Variants in MCC observed in about 807,000 individuals in gnomAD.
MCC encodes the protein colorectal mutant cancer protein.
In MCC, 90 loss-of-function variants were observed where a neutral mutation model predicts 116.2. That is an observed-to-expected ratio of 0.77 (90% CI 0.65 to 0.92). MCC has a LOEUF of 0.92. Among genes scored for constraint, MCC ranks in the 40% least tolerant of loss-of-function variants. MCC has a pLI of 0.00. For synonymous variants in MCC, 578 were observed against 510.5 expected, an observed-to-expected ratio of 1.13 and a Z score of -1.78; for missense variants, 1,516 against 1,312.2, an observed-to-expected ratio of 1.16 and a Z score of -2.40.
chr5:113,220,057 C>CTTTCTTTT lies in MCC; in HGVS notation c.628-68636_628-68635insAAAAGAAA, dbSNP rs1406279958. 6.3e-5 allele frequency among the ~76,000 whole-genome samples: 5 copies of CTTTCTTTT among 79,496 alleles called. 1 individual carries two copies. In the South Asian group the frequency reaches 2.8e-3, roughly 45 times the overall value. The allele number at this position is 79,496 out of a possible 152,430, so 52.2% of individuals were successfully genotyped here. A position where few individuals can be genotyped will look rare whatever the true frequency, so the allele number is the denominator to read the frequency against. ...AACTTTGGAATCTGCATGTCAATTT[C>CTTTCTTTT]TTTTTCTTTTTTTTTTTTGAGACGG... On this transcript the variant is annotated intron_variant, in intron 3 of 18. Coordinates refer to ENST00000408903, the MANE Select transcript of MCC (RefSeq NM_001085377.2).
At chr5:113,139,213 C>T (rs1303214532) in intron 5 of MCC, among the ~76,000 whole-genome samples, 1 of 152,144 alleles carries the variant, frequency 6.6e-6, no homozygotes, top group East Asian at 1.9e-4. Flanking sequence ...ATCTCCCAGT[C>T]AACATCGCTG....
chr5:113,234,393 G>A (rs1764056127), intron 3 of MCC: 1 of 152,056 alleles, frequency 6.6e-6, no homozygotes, highest in South Asian at 2.1e-4. Flanking sequence ...GCCAAGGAAA[G>A]CTCTGAGAGC....
At chr5:113,414,962 G>C (rs910776814) in intron 1 of MCC, among the ~76,000 whole-genome samples, 1 of 152,122 alleles carries the variant, frequency 6.6e-6, no homozygotes, top group African/African-American at 2.4e-5. Context: ...GGCAGGCCTG[G>C]TGGTGACAAA....
intron 1 of MCC, among the ~76,000 whole-genome samples, chr5:113,438,170 T>C (rs774420142): frequency 6.6e-6 from 1 of 152,216 alleles, no homozygotes; most frequent in Non-Finnish European, 1.5e-5. Flanking sequence ...CCTGTGTTTC[T>C]TTCCCCTAAC....
chr5:113,442,381 G>A (rs1771067171), intron 1 of MCC, among the ~76,000 whole-genome samples: 5 of 151,890 alleles, frequency 3.3e-5, no homozygotes, highest in Admixed American at 2.6e-4. Flanking sequence ...TAAGTTCTTT[G>A]CAGATTCTGG....
intron 11 of MCC, among the ~76,000 whole-genome samples, chr5:113,076,751 C>A (rs1446929774): frequency 1.3e-5 from 2 of 152,156 alleles, no homozygotes; most frequent in African/African-American, 2.4e-5. Flanking sequence ...ACTGCATCAA[C>A]TAACAAGCAA....
intron 3 of MCC, among the ~76,000 whole-genome samples, chr5:113,297,027 G>T (rs773258862): frequency 6.6e-6 from 1 of 152,164 alleles, no homozygotes; most frequent in South Asian, 2.1e-4. Context: ...ATTTTCAAGG[G>T]TAATGTTGAT....
chr5:113,487,969 C>A (rs1772588101), intron 1 of MCC, among the ~76,000 whole-genome samples: 1 of 152,142 alleles, frequency 6.6e-6, no homozygotes, highest in Non-Finnish European at 1.5e-5. Context: ...TCCAAGCCCC[C>A]GGAAGAGTGC....
chr5:113,242,734 A>G (rs933522582), intron 3 of MCC, among the ~76,000 whole-genome samples: 1 of 152,166 alleles, frequency 6.6e-6, no homozygotes, highest in Non-Finnish European at 1.5e-5. Flanking sequence ...GTTCAAGACC[A>G]TGCACCACAG....
rs200797844 is a variant in MCC at position 113,049,094 on chromosome 5, T to C, written c.2654A>G (p.Lys885Arg). ...GTCCCCAAGCCACTCCGGCCCTACC[T>C]TGCCAGGTTTGTCTTTGCTGCCGCT... is the stretch of plus-strand genomic sequence containing the variant. The part of the protein sequence containing the change: ...TSSGSKDKPG[K>R]ECADAASPAL... Residue 885 changes from lysine to arginine, a missense_variant and splice_region_variant, in exon 16 of 19, where the codon AAG becomes AGG. Coordinates refer to ENST00000408903, the MANE Select transcript of MCC (RefSeq NM_001085377.2). 18 of 1,614,052 alleles carry C rather than the reference T, an allele frequency of 1.1e-5. No homozygotes were observed. The highest frequency in any genetic ancestry group is 5.0e-5 in the Admixed American group (3 of 60,004).
At chr5:113,156,881 A>C (rs1760200710) in intron 3 of MCC, among the ~76,000 whole-genome samples, 1 of 152,188 alleles carries the variant, frequency 6.6e-6, no homozygotes, top group African/African-American at 2.4e-5. Context: ...ACTTGAGTAA[A>C]ATAATTTCAC....
intron 3 of MCC, among the ~76,000 whole-genome samples, chr5:113,284,459 A>C (rs958557166): frequency 6.6e-6 from 1 of 152,256 alleles, no homozygotes; most frequent in Non-Finnish European, 1.5e-5. Flanking sequence ...TTCTCCTTTT[A>C]AAATAATTAC....
chr5:113,329,186 G>A (rs577362687), intron 3 of MCC, among the ~76,000 whole-genome samples: 106 of 152,266 alleles, frequency 7.0e-4, no homozygotes, highest in Non-Finnish European at 1.3e-3. Flanking sequence ...TGTAGTGTAC[G>A]GTAAATCCCC....
chr5:113,077,907 T>A (rs1754568042), intron 11 of MCC, among the ~76,000 whole-genome samples: 1 of 143,544 alleles, frequency 7.0e-6, no homozygotes, highest in South Asian at 2.2e-4. Context: ...GATAGACCGC[T>A]AGCAAGACTA....
chr5:113,469,678 T>G (rs1407262359), intron 1 of MCC, among the ~76,000 whole-genome samples: 1 of 152,026 alleles, frequency 6.6e-6, no homozygotes, highest in Non-Finnish European at 1.5e-5. Context: ...GGGTGGAGAG[T>G]TCTGTAGATG....
intron 2 of MCC, among the ~76,000 whole-genome samples, chr5:113,383,941 T>C (rs1368982403): frequency 6.6e-6 from 1 of 152,322 alleles, no homozygotes; most frequent in Non-Finnish European, 1.5e-5. Flanking sequence ...TTCTTGCCAA[T>C]AGATCTACCT....
At position 113,106,745 on chromosome 5, in the gene MCC, G is replaced by A. The variant is rs150779911; in HGVS notation, c.1028-2390C>T. ...CAGCTCATATTTTTATTTTTGTGTA[G>A]ACACAGGGTCTATGTTGCCTGTCTC... On this transcript the variant is annotated intron_variant, in intron 6 of 18. Coordinates refer to ENST00000408903, the MANE Select transcript of MCC (RefSeq NM_001085377.2). 2.1e-3 allele frequency among the ~76,000 whole-genome samples: 316 copies of A among 152,256 alleles called. 1 individual carries two copies. Among genetic ancestry groups the A allele is most frequent in the Admixed American group, 5.3e-3 (81 of 15,290 alleles).
At chr5:113,096,419 G>A (rs540974270) in intron 8 of MCC, among the ~76,000 whole-genome samples, 2 of 152,220 alleles carry the variant, frequency 1.3e-5, no homozygotes, top group Admixed American at 6.5e-5. Flanking sequence ...GCTTCCCAGT[G>A]ATTCTGACAC....
intron 2 of MCC, among the ~76,000 whole-genome samples, chr5:113,348,584 T>C (rs568406543): frequency 7.9e-5 from 12 of 152,170 alleles, no homozygotes; most frequent in African/African-American, 2.6e-4. Flanking sequence ...GGGAAGTTTA[T>C]ACCTACCAAT....
Sources: allele counts gnomAD v4.1 joint callset (sites outside exome capture counted in the v4.1 genomes callset), GRCh38; gene constraint gnomAD v4.1.1; transcripts MANE v1.5; gene names NCBI Gene and HGNC (gene_info 2026-07-23, HGNC 2026-07-21).